Variants in KCNH7 observed in about 807,000 individuals in gnomAD.
KCNH7 encodes the protein potassium voltage-gated channel subfamily H member 7, also known as voltage-gated inwardly rectifying potassium channel KCNH7.
In KCNH7, 49 loss-of-function variants were observed where a neutral mutation model predicts 120.8. That is an observed-to-expected ratio of 0.41 (90% CI 0.32 to 0.51). The LOEUF is 0.51. Ranked by LOEUF, KCNH7 falls within the 20% of genes least tolerant of loss-of-function variation. The pLI is 0.38. For synonymous variants in KCNH7, 547 were observed against 516.1 expected, an observed-to-expected ratio of 1.06 and a Z score of -0.81; for missense variants, 1,097 against 1,446.6, an observed-to-expected ratio of 0.76 and a Z score of 3.92.
chr2:162,712,548 G>A (rs1281527656), intron 2 of KCNH7, among the ~76,000 whole-genome samples: 1 of 152,110 alleles, frequency 6.6e-6, no homozygotes, highest in Admixed American at 6.6e-5. Context: ...AATAATGAGA[G>A]TTTGAAACAG....
chr2:162,722,329 A>C (rs982174303), intron 2 of KCNH7, among the ~76,000 whole-genome samples: 4 of 152,184 alleles, frequency 2.6e-5, no homozygotes, highest in African/African-American at 9.6e-5. Flanking sequence ...AGATCAGAAA[A>C]GTACAAGATG....
At chr2:162,385,942 T>G (rs1020261988) in intron 12 of KCNH7, among the ~76,000 whole-genome samples, 3 of 151,864 alleles carry the variant, frequency 2.0e-5, no homozygotes, top group Non-Finnish European at 4.4e-5. Context: ...TAAATCATAA[T>G]TTAAAATATG....
chr2:162,603,490 G>C (rs1694629278), intron 2 of KCNH7, among the ~76,000 whole-genome samples: 1 of 152,010 alleles, frequency 6.6e-6, no homozygotes. Context: ...GGTGCAAAAA[G>C]TGGTTGTGAG....
intron 2 of KCNH7, among the ~76,000 whole-genome samples, chr2:162,774,261 T>C (rs1028223910): frequency 1.5e-4 from 22 of 149,854 alleles, no homozygotes; most frequent in Non-Finnish European, 3.2e-4. Flanking sequence ...TTTAAACTTG[T>C]ATTATTTAAA....
chr2:162,387,991 T>C lies in KCNH7; in HGVS notation c.2711-3052A>G, dbSNP rs78014435. ...AGGTGCTCTCTCAGCATTTGAGTTT[T>C]AGATTTCCCACTGCTGACAAGAAAT... On this transcript the variant is annotated intron_variant, in intron 12 of 15. Coordinates refer to ENST00000332142, the MANE Select transcript of KCNH7 (RefSeq NM_033272.4). Among the ~76,000 whole-genome samples, 1,020 of 151,876 alleles carry C rather than the reference T, an allele frequency of 6.7e-3. 8 individuals are homozygous for C. The highest frequency in any genetic ancestry group is 0.024 in the African/African-American group (980 of 41,510).
chr2:162,479,655 A>G (rs1193128025), intron 6 of KCNH7, among the ~76,000 whole-genome samples: 1 of 141,270 alleles, frequency 7.1e-6, no homozygotes, highest in African/African-American at 2.9e-5. Flanking sequence ...TACATTAGGA[A>G]ATTGTGTGTG....
chr2:162,673,309 G>A (rs1016726884), intron 2 of KCNH7, among the ~76,000 whole-genome samples: 26 of 152,078 alleles, frequency 1.7e-4, no homozygotes, highest in Non-Finnish European at 3.1e-4. Context: ...GTAAAATATA[G>A]CAAATCATAT....
intron 6 of KCNH7, among the ~76,000 whole-genome samples, chr2:162,493,712 T>A (rs1690403106): frequency 6.6e-6 from 1 of 152,212 alleles, no homozygotes; most frequent in African/African-American, 2.4e-5. Context: ...GTTGCCATCA[T>A]AACATGTAAT....
chr2:162,815,343 C>T (rs1390651489), intron 2 of KCNH7, among the ~76,000 whole-genome samples: 1 of 151,888 alleles, frequency 6.6e-6, no homozygotes, highest in East Asian at 1.9e-4. Context: ...TGTTTTTTCC[C>T]ACAAAAACAT....
chr2:162,480,185 T>G (rs1689885788), intron 6 of KCNH7, among the ~76,000 whole-genome samples: 1 of 152,178 alleles, frequency 6.6e-6, no homozygotes. Context: ...ACTGCAATTT[T>G]AAATAGACAC....
intron 2 of KCNH7, among the ~76,000 whole-genome samples, chr2:162,562,071 G>T (rs1319128502): frequency 2.0e-5 from 3 of 152,096 alleles, no homozygotes; most frequent in Non-Finnish European, 2.9e-5. Context: ...GTGGTCGGGG[G>T]CTAGGGGACG....
chr2:162,396,137 C>T (rs527388712), intron 11 of KCNH7, among the ~76,000 whole-genome samples: 13 of 151,788 alleles, frequency 8.6e-5, no homozygotes, highest in African/African-American at 3.1e-4. Context: ...AAGAGCTACA[C>T]TCGAAGTTCA....
intron 8 of KCNH7, among the ~76,000 whole-genome samples, chr2:162,424,133 AT>A (rs1227851241): frequency 6.6e-6 from 1 of 152,192 alleles, no homozygotes; most frequent in East Asian, 1.9e-4. Flanking sequence ...TTTTTATCCT[AT>A]TCCAATTCAT....
intron 2 of KCNH7, among the ~76,000 whole-genome samples, chr2:162,811,430 C>A (rs2105568801): frequency 6.6e-6 from 1 of 152,176 alleles, no homozygotes; most frequent in East Asian, 1.9e-4. Context: ...TTTCCATGAG[C>A]CATCTAGTTT....
intron 2 of KCNH7, among the ~76,000 whole-genome samples, chr2:162,665,415 A>G (rs779484789): frequency 3.9e-5 from 6 of 152,056 alleles, no homozygotes; most frequent in Non-Finnish European, 8.8e-5. Context: ...ACTTACATAG[A>G]CTCTAAGAAC....
chr2:162,769,494 C>T (rs1035995052), intron 2 of KCNH7, among the ~76,000 whole-genome samples: 1 of 152,076 alleles, frequency 6.6e-6, no homozygotes, highest in Non-Finnish European at 1.5e-5. Flanking sequence ...CTCTTGCCCA[C>T]ATACTGCTAT....
chr2:162,644,997 T>C (rs1684301929), intron 2 of KCNH7, among the ~76,000 whole-genome samples: 1 of 152,182 alleles, frequency 6.6e-6, no homozygotes, highest in South Asian at 2.1e-4. Flanking sequence ...CATTACCATT[T>C]TGCCTACTTA....
intron 2 of KCNH7, among the ~76,000 whole-genome samples, chr2:162,714,197 G>A (rs187401432): frequency 8.5e-5 from 13 of 152,238 alleles, no homozygotes; most frequent in African/African-American, 2.6e-4. Context: ...CCAGCCTGGG[G>A]GTTATATTAA....
chr2:162,423,761 G>A (rs185984538), intron 8 of KCNH7, among the ~76,000 whole-genome samples: 3 of 152,260 alleles, frequency 2.0e-5, no homozygotes, highest in Non-Finnish European at 4.4e-5. Context: ...CTAAATGAAA[G>A]TGAAAACTCA....
Sources: allele counts gnomAD v4.1 joint callset (sites outside exome capture counted in the v4.1 genomes callset), GRCh38; gene constraint gnomAD v4.1.1; transcripts MANE v1.5; gene names NCBI Gene and HGNC (gene_info 2026-07-23, HGNC 2026-07-21).